CLDN16: variants seen among roughly 807,000 people sequenced by gnomAD.
The protein encoded by CLDN16 is claudin 16, also known as claudin-16.
CLDN16 carries 13 observed loss-of-function variants against 24.6 expected under a neutral mutation model. The ratio of observed to expected loss-of-function variants is 0.53; its 90% CI spans 0.34 to 0.84. The LOEUF (loss-of-function observed/expected upper bound fraction) is 0.84. Among genes scored for constraint, CLDN16 ranks in the 40% least tolerant of loss-of-function variants. CLDN16 has a pLI of 0.01. For synonymous variants in CLDN16, 116 were observed against 106.7 expected (o/e 1.09, Z -0.54); for missense variants, 298 against 292.7 (o/e 1.02, Z -0.13).
the CLDN16 span, among the ~76,000 whole-genome samples, chr3:190,296,222 C>A: frequency 6.6e-6 from 1 of 152,194 alleles, no homozygotes; most frequent in Non-Finnish European, 1.5e-5. Flanking sequence ...ATAAAGCATT[C>A]ATTCTCATGA....
At chr3:190,299,102 CATCTT>C in the CLDN16 span, among the ~76,000 whole-genome samples, 1 of 152,156 alleles carries the variant, frequency 6.6e-6, no homozygotes, top group Non-Finnish European at 1.5e-5. Flanking sequence ...GCATATCAGA[CATCTT>C]ATATTTTGTC....
In CLDN16 at chr3:190,411,695, C is replaced by A. The variant is rs1719290052; in HGVS notation, c.*1659C>A. The A allele has an allele frequency of 6.6e-6, 1 of 152,182 alleles. No homozygotes were observed. The highest frequency in any genetic ancestry group is 1.5e-5 in the Non-Finnish European group (1 of 68,016). The allele number at this position is 152,182 out of a possible 1,614,324, so 9.4% of individuals were successfully genotyped here. ...AACGTTTCGAGATTGCTGTTTATTA[C>A]TTCCCAGAGTATCTTTAACAGTATT... On this transcript the variant is annotated 3_prime_UTR_variant, in exon 5 of 5. Coordinates refer to ENST00000264734, the MANE Select transcript of CLDN16 (RefSeq NM_006580.4).
chr3:190,404,773 G>GT lies in CLDN16; in HGVS notation c.230dup (p.Thr78AsnfsTer24). 2 of 1,614,064 alleles carry GT rather than the reference G, an allele frequency of 1.2e-6. No individual in the cohort carries two copies. Among genetic ancestry groups the GT allele is most frequent in the Non-Finnish European group, 8.5e-7 (1 of 1,180,004 alleles). On this transcript the variant is annotated frameshift_variant, in exon 3 of 5. Transcript: ENST00000264734. LOFTEE classifies it high-confidence loss of function. ...CCCTGGTCTTCCAGTGAAGCTGGTG[G>GT]TAACTCGAGCGTTGATGATTACTGC...
At chr3:190,395,187 C>T (rs1718786000) in intron 1 of CLDN16, among the ~76,000 whole-genome samples, 1 of 151,980 alleles carries the variant, frequency 6.6e-6, no homozygotes, top group African/African-American at 2.4e-5. Flanking sequence ...AGGTCATATA[C>T]CTGTGAAGAG....
At chr3:190,399,983 G>A (rs1043854879) in intron 1 of CLDN16, among the ~76,000 whole-genome samples, 12 of 152,130 alleles carry the variant, frequency 7.9e-5, no homozygotes, top group African/African-American at 2.7e-4. Flanking sequence ...AGCACCTAAT[G>A]CCTGATGATC....
chr3:190,408,492 A>C lies in CLDN16; in HGVS notation c.561A>C (p.Leu187Phe), dbSNP rs747105311. Reference protein sequence around the residue: ...FLAGAVLTCCLYLFKDVGPER... With the variant: ...FLAGAVLTCCFYLFKDVGPER... ...CTGGAGCTGTTCTCACCTGCTGCTT[A>C]TATCTTTTTAAAGGTAAGAATAAAA... The change falls in exon 4 of 5, where the codon TTA becomes TTC. Residue 187 changes from leucine to phenylalanine, a missense_variant. Transcript: ENST00000264734. The C allele has an allele frequency of 6.2e-7, 1 of 1,613,942 alleles. No homozygotes were observed. The highest frequency in any genetic ancestry group is 1.1e-5 in the South Asian group (1 of 91,060).
rs1319993573 is a variant in CLDN16, at chr3:190,411,217, A to C, written c.*1181A>C. On this transcript the variant is annotated 3_prime_UTR_variant, in exon 5 of 5. Transcript: ENST00000264734. ...GGAGGTTGCAGTGAGCGGAGATCGC[A>C]CCATTGCACTCCAGTCTGGCAACAG... 1 of 152,152 alleles carries C rather than the reference A, an allele frequency of 6.6e-6. No homozygotes were observed. The highest frequency in any genetic ancestry group is 1.5e-5 in the Non-Finnish European group (1 of 68,036). The allele number at this position is 152,152 out of a possible 1,614,324, so 9.4% of individuals were successfully genotyped here.
chr3:190,343,665 T>A (rs531458860), intron 1 of CLDN16, among the ~76,000 whole-genome samples: 1 of 152,168 alleles, frequency 6.6e-6, no homozygotes, highest in South Asian at 2.1e-4. Flanking sequence ...CATATATGAA[T>A]CTGAAGGGCA....
At chr3:190,356,993 A>G (rs768586653) in intron 1 of CLDN16, among the ~76,000 whole-genome samples, 7 of 151,922 alleles carry the variant, frequency 4.6e-5, no homozygotes, top group Non-Finnish European at 1.0e-4. Flanking sequence ...TTCTCAAAAG[A>G]TGAAAATCAG....
intron 1 of CLDN16, among the ~76,000 whole-genome samples, chr3:190,348,563 A>G (rs958430760): frequency 2.9e-4 from 44 of 152,292 alleles, no homozygotes; most frequent in African/African-American, 9.9e-4. Flanking sequence ...GAAAGAAAAC[A>G]ATATGCTTTC....
At chr3:190,310,356 C>T in the CLDN16 span, 1 of 805,120 alleles carries the variant, frequency 1.2e-6, no homozygotes, top group Non-Finnish European at 2.1e-6. Context: ...TAAATCTCAT[C>T]AATAGTGTTG....
chr3:190,307,709 G>A, the CLDN16 span: 1 of 152,678 alleles, frequency 6.5e-6, no homozygotes, highest in African/African-American at 2.4e-5. Flanking sequence ...TATATGAAAA[G>A]GGCACGCATG....
chr3:190,403,419 A>G (rs1048820604), intron 2 of CLDN16, among the ~76,000 whole-genome samples: 4 of 152,178 alleles, frequency 2.6e-5, no homozygotes, highest in African/African-American at 9.7e-5. Context: ...AAATTTAAAA[A>G]TCTTACTGTT....
chr3:190,400,801 T>A (rs577422148), intron 1 of CLDN16, among the ~76,000 whole-genome samples: 1 of 152,284 alleles, frequency 6.6e-6, no homozygotes, highest in South Asian at 2.1e-4. Context: ...CACATACTGA[T>A]TTCCTTTCCT....
At chr3:190,402,279 G>A (rs1718981480) in intron 1 of CLDN16, 58 bp from the exon 2 acceptor site, 6 of 1,302,068 alleles carry the variant, frequency 4.6e-6, no homozygotes, top group East Asian at 4.6e-5. Context: ...TTTTGATCAA[G>A]GGGAACTGAA....
intron 1 of CLDN16, among the ~76,000 whole-genome samples, chr3:190,327,847 ACTCT>A: frequency 6.6e-6 from 1 of 152,148 alleles, no homozygotes; most frequent in Non-Finnish European, 1.5e-5. Flanking sequence ...ATAGAGGAAG[ACTCT>A]CTAATCTTTA....
chr3:190,328,266 G>T (rs956645404), intron 1 of CLDN16, among the ~76,000 whole-genome samples: 1 of 152,118 alleles, frequency 6.6e-6, no homozygotes, highest in African/African-American at 2.4e-5. Flanking sequence ...GGGTGACAGA[G>T]TGAGACCTGT....
At chr3:190,388,519 A>G in intron 1 of CLDN16, 76 bp downstream of exon 1, 1 of 1,203,992 alleles carries the variant, frequency 8.3e-7, no homozygotes, top group South Asian at 1.2e-5. Flanking sequence ...CATGTACAAC[A>G]TTCAGTATCT....
the CLDN16 span, among the ~76,000 whole-genome samples, chr3:190,294,258 A>C: frequency 6.6e-6 from 1 of 152,174 alleles, no homozygotes; most frequent in Non-Finnish European, 1.5e-5. Context: ...ACTTTATCAA[A>C]GTAGACACTT....
Sources: gnomAD v4.1 joint callset for allele counts (sites outside exome capture counted in the v4.1 genomes callset) on GRCh38, gnomAD v4.1.1 for gene constraint, MANE v1.5 for transcripts, NCBI Gene and HGNC (gene_info 2026-07-23, HGNC 2026-07-21) for gene names.